Variants in EPB41L5 observed in about 807,000 individuals in gnomAD.
EPB41L5 encodes the protein band 4.1-like protein 5.
A neutral mutation model predicts 106.6 loss-of-function variants in EPB41L5; 55 were observed. The ratio of observed to expected loss-of-function variants is 0.52; its 90% CI spans 0.42 to 0.65. The LOEUF (loss-of-function observed/expected upper bound fraction) is 0.65. Ranked by LOEUF, EPB41L5 falls within the 30% of genes least tolerant of loss-of-function variation. EPB41L5 has a pLI of 0.00. For synonymous variants in EPB41L5, 297 were observed against 306.7 expected (o/e 0.97, Z 0.33); for missense variants, 871 against 882.1 (o/e 0.99, Z 0.16).
intron 3 of EPB41L5, among the ~76,000 whole-genome samples, chr2:120,062,845 T>G (rs78883569): frequency 7.6e-5 from 5 of 65,966 alleles, no homozygotes; most frequent in African/African-American, 1.8e-4. Flanking sequence ...ATTATTTTGA[T>G]TCTTAAGATA....
intron 10 of EPB41L5, among the ~76,000 whole-genome samples, chr2:120,085,773 C>G (rs948415978): frequency 6.6e-6 from 1 of 152,210 alleles, no homozygotes. Context: ...GTTAAATCCC[C>G]TCATACCTCC....
chr2:120,130,143 C>CAAA (rs11379919), intron 17 of EPB41L5, among the ~76,000 whole-genome samples: 7 of 110,460 alleles, frequency 6.3e-5, no homozygotes, highest in East Asian at 2.5e-4. Context: ...GACTCCATCT[C>CAAA]AAAAAAAAAA....
In EPB41L5 at chr2:120,143,044, C is replaced by T; in HGVS notation, c.1641C>T (p.Val547=). 6.2e-7 allele frequency: 1 copy of T among 1,612,798 alleles called. No individual in the cohort carries two copies. The highest frequency in any genetic ancestry group is 1.1e-5 in the South Asian group (1 of 90,982). Residue 547 remains valine, a synonymous_variant, in exon 19 of 25, where the codon GTC becomes GTT. Transcript: ENST00000263713. ...TGACTGAGAAATGCCTTAATAATGTCATTGAGAGCCCAGGATTGAATGTCA... is the reference window on the plus strand; with the variant it reads ...TGACTGAGAAATGCCTTAATAATGTTATTGAGAGCCCAGGATTGAATGTCA... ...VKLTEKCLNN[V]IESPGLNVMR... is the part of the protein sequence containing the mutation.
At chr2:120,120,621 T>C (rs2105447207) in intron 16 of EPB41L5, among the ~76,000 whole-genome samples, 1 of 151,650 alleles carries the variant, frequency 6.6e-6, no homozygotes, top group South Asian at 2.1e-4. Flanking sequence ...ATTAATAAAA[T>C]TAGTATAAAG....
chr2:120,100,325 G>A (rs766586529), intron 15 of EPB41L5, 39 bp downstream of exon 15: 29 of 1,570,898 alleles, frequency 1.8e-5, no homozygotes, highest in South Asian at 1.8e-4. Flanking sequence ...TGGATCACCC[G>A]TTAATTATGG....
At chr2:120,014,137 T>TA (rs1446961882) in intron 1 of EPB41L5, among the ~76,000 whole-genome samples, 2 of 152,270 alleles carry the variant, frequency 1.3e-5, no homozygotes, top group African/African-American at 4.8e-5. Flanking sequence ...GCATTTGCTG[T>TA]ATGTTATATT....
At chr2:120,116,372 T>C (rs1330467219) in intron 16 of EPB41L5, among the ~76,000 whole-genome samples, 3 of 152,212 alleles carry the variant, frequency 2.0e-5, no homozygotes, top group African/African-American at 7.2e-5. Flanking sequence ...CCTTTTCCTA[T>C]ATGATTGAAG....
chr2:120,087,871 G>A (rs1006589882), intron 11 of EPB41L5, among the ~76,000 whole-genome samples: 3 of 152,160 alleles, frequency 2.0e-5, no homozygotes, highest in Non-Finnish European at 4.4e-5. Flanking sequence ...CTTTGTATCA[G>A]TTACAGTGTG....
intron 2 of EPB41L5, among the ~76,000 whole-genome samples, chr2:120,041,413 T>C (rs1679396359): frequency 6.6e-6 from 1 of 152,150 alleles, no homozygotes; most frequent in South Asian, 2.1e-4. Context: ...ACAAAGTTTC[T>C]TTCCTATTTA....
Position 120,170,476 on chromosome 2 carries a change from A to G in EPB41L5, c.2135+2469A>G, listed in dbSNP as rs146279050. ...TCAGGATCTGAAGACCTGTTAGACTAAGGAACTCAGTTCCTAGCTGGTGAT... is the reference window on the plus strand; with the variant it reads ...TCAGGATCTGAAGACCTGTTAGACTGAGGAACTCAGTTCCTAGCTGGTGAT... On this transcript the variant is annotated intron_variant, in intron 24 of 24. Transcript: ENST00000263713. Among the ~76,000 whole-genome samples, 6 of 152,354 alleles carry G rather than the reference A, an allele frequency of 3.9e-5. No homozygotes were observed. In the East Asian group the frequency reaches 9.6e-4, roughly 24 times the overall value.
intron 17 of EPB41L5, among the ~76,000 whole-genome samples, chr2:120,128,648 T>C (rs1240305760): frequency 1.3e-5 from 2 of 151,914 alleles, no homozygotes; most frequent in African/African-American, 4.8e-5. Context: ...TGATAAGTGG[T>C]GCTAAAAATT....
Position 120,141,412 on chromosome 2 carries a change from GGATA to G in EPB41L5, c.1600-1587_1600-1584del, listed in dbSNP as rs1686167950. On this transcript the variant is annotated intron_variant, in intron 18 of 24. Transcript: ENST00000263713. ...ACAAAATCAGGATCCATGAAGGCTT[GGATA>G]GATTGGAATGACAGACTGGGTTTAA... is the stretch of plus-strand genomic sequence containing the variant. Among the ~76,000 whole-genome samples, 5 of 151,696 alleles carry G rather than the reference GGATA, an allele frequency of 3.3e-5. No individual in the cohort carries two copies. In the South Asian group the frequency reaches 1.0e-3, roughly 32 times the overall value.
At chr2:120,150,045 A>G (rs1057169670) in intron 20 of EPB41L5, among the ~76,000 whole-genome samples, 16 of 152,022 alleles carry the variant, frequency 1.1e-4, no homozygotes, top group African/African-American at 3.6e-4. Context: ...GGCACATGCC[A>G]CCATGCTCGG....
chr2:120,060,793 T>TA (rs1475951889), intron 3 of EPB41L5, among the ~76,000 whole-genome samples: 4 of 152,290 alleles, frequency 2.6e-5, no homozygotes, highest in African/African-American at 9.6e-5. Context: ...GTACTGTAGT[T>TA]ATGTTAAAAT....
chr2:120,080,795 C>T (rs936012341), intron 10 of EPB41L5, among the ~76,000 whole-genome samples: 9 of 152,196 alleles, frequency 5.9e-5, no homozygotes, highest in Non-Finnish European at 1.3e-4. Flanking sequence ...TTAATGATGG[C>T]CATTCTAACT....
chr2:120,148,901 A>G (rs1686534700), intron 20 of EPB41L5, among the ~76,000 whole-genome samples: 1 of 152,108 alleles, frequency 6.6e-6, no homozygotes, highest in African/African-American at 2.4e-5. Flanking sequence ...CTCCTCAGTC[A>G]TATGGTAACT....
intron 10 of EPB41L5, among the ~76,000 whole-genome samples, chr2:120,080,442 CT>C (rs1284423002): frequency 6.6e-6 from 1 of 152,096 alleles, no homozygotes; most frequent in Non-Finnish European, 1.5e-5. Flanking sequence ...TGAACTCATC[CT>C]TTTTTATGGC....
rs866731897 is a variant in EPB41L5 at position 120,150,886 on chromosome 2, C to T, written c.1793+4597C>T. ...TTTGTTTTGACGAAGTCTAATTTAT[C>T]TACTTTTCTTAGGTTGTCTGTGCTT... On this transcript the variant is annotated intron_variant, in intron 20 of 24. Transcript: ENST00000263713. 1.6e-4 allele frequency among the ~76,000 whole-genome samples: 25 copies of T among 152,272 alleles called. 1 individual carries two copies. The highest frequency in any genetic ancestry group is 6.8e-3 in the Middle Eastern group (2 of 294).
intron 2 of EPB41L5, among the ~76,000 whole-genome samples, chr2:120,035,396 G>A (rs1016387287): frequency 6.6e-6 from 1 of 152,182 alleles, no homozygotes; most frequent in African/African-American, 2.4e-5. Context: ...ACCATGCCTG[G>A]CTGTTTTTTT....
Sources: allele counts gnomAD v4.1 joint callset (sites outside exome capture counted in the v4.1 genomes callset), GRCh38; gene constraint gnomAD v4.1.1; transcripts MANE v1.5; gene names NCBI Gene and HGNC (gene_info 2026-07-23, HGNC 2026-07-21).